Variants in ARHGEF7 observed in about 807,000 individuals in gnomAD.
ARHGEF7 encodes the protein PAK-interacting exchange factor beta.
A neutral mutation model predicts 109.8 loss-of-function variants in ARHGEF7; 33 were observed. The observed-to-expected ratio is 0.30, with a 90% CI of 0.23 to 0.40. ARHGEF7 has a LOEUF of 0.40. Ranked by LOEUF, ARHGEF7 falls within the 10% of genes least tolerant of loss-of-function variation. The pLI, the probability that ARHGEF7 is intolerant of heterozygous loss-of-function variation, is 1.00. For synonymous variants in ARHGEF7, 458 were observed against 424.6 expected (o/e 1.08, Z -0.97); for missense variants, 938 against 1,098.5 (o/e 0.85, Z 2.07).
chr13:111,246,578 A>G (rs2088883826), intron 8 of ARHGEF7, among the ~76,000 whole-genome samples: 1 of 152,346 alleles, frequency 6.6e-6, no homozygotes, highest in African/African-American at 2.4e-5. Flanking sequence ...TGAATATTCT[A>G]TAGAACTTAA....
chr13:111,176,540 C>A (rs1173225354), intron 2 of ARHGEF7, among the ~76,000 whole-genome samples: 1 of 152,142 alleles, frequency 6.6e-6, no homozygotes, highest in Non-Finnish European at 1.5e-5. Flanking sequence ...GTGGGGTGAC[C>A]CACGTAGCCC....
At chr13:111,302,358 G>A (rs1304010352) in intron 21 of ARHGEF7, among the ~76,000 whole-genome samples, 2 of 152,212 alleles carry the variant, frequency 1.3e-5, no homozygotes, top group South Asian at 2.1e-4. Context: ...TCTTTTGGCC[G>A]AGGAACAGCC....
At chr13:111,189,429 AGCTCTTAAAGGTG>A (rs1489661809) in intron 2 of ARHGEF7, among the ~76,000 whole-genome samples, 1 of 152,018 alleles carries the variant, frequency 6.6e-6, no homozygotes, top group African/African-American at 2.4e-5. Flanking sequence ...TGAGTGTTAC[AGCTCTTAAAGGTG>A]GCGCATCCGG....
intron 1 of ARHGEF7, among the ~76,000 whole-genome samples, chr13:111,125,819 T>G (rs1012165950): frequency 3.3e-5 from 5 of 152,234 alleles, no homozygotes; most frequent in Admixed American, 6.5e-5. Context: ...GGAATACAGA[T>G]TTTCTGAAAA....
chr13:111,184,860 A>C (rs2153435034), intron 2 of ARHGEF7: 1 of 152,634 alleles, frequency 6.6e-6, no homozygotes, highest in East Asian at 1.9e-4. Context: ...AGGTGGGGAG[A>C]ACCGGATGGA....
intron 2 of ARHGEF7, among the ~76,000 whole-genome samples, chr13:111,160,783 G>T (rs1022354451): frequency 6.6e-6 from 1 of 152,096 alleles, no homozygotes; most frequent in Non-Finnish European, 1.5e-5. Context: ...TTTTATAAGG[G>T]GCTCCTCCCC....
intron 4 of ARHGEF7, among the ~76,000 whole-genome samples, chr13:111,216,639 C>T (rs899256370): frequency 6.6e-6 from 1 of 152,138 alleles, no homozygotes; most frequent in African/African-American, 2.4e-5. Context: ...CGCTGGTGTT[C>T]CCTAGAGCTC....
chr13:111,285,795 C>T (rs2092994876), intron 16 of ARHGEF7, among the ~76,000 whole-genome samples: 1 of 152,128 alleles, frequency 6.6e-6, no homozygotes, highest in South Asian at 2.1e-4. Context: ...GCAGCTGCCC[C>T]CTCCTCTCCT....
chr13:111,190,757 G>C (rs1304713097), intron 2 of ARHGEF7, among the ~76,000 whole-genome samples: 1 of 152,188 alleles, frequency 6.6e-6, no homozygotes, highest in Non-Finnish European at 1.5e-5. Context: ...GCAGGTGCCT[G>C]TCCAGTTGGT....
At chr13:111,285,308 G>A (rs2092972213) in intron 16 of ARHGEF7, among the ~76,000 whole-genome samples, 1 of 152,134 alleles carries the variant, frequency 6.6e-6, no homozygotes, top group Non-Finnish European at 1.5e-5. Flanking sequence ...TTCCAGCCTG[G>A]TTCATTCCAT....
At chr13:111,220,723 C>T (rs918812940) in intron 5 of ARHGEF7, among the ~76,000 whole-genome samples, 7 of 152,018 alleles carry the variant, frequency 4.6e-5, no homozygotes, top group African/African-American at 1.7e-4. Flanking sequence ...ACCGGCAGGG[C>T]GTGTTTAGAA....
At chr13:111,192,042 G>T (rs1343392384) in intron 2 of ARHGEF7, among the ~76,000 whole-genome samples, 1 of 152,126 alleles carries the variant, frequency 6.6e-6, no homozygotes, top group African/African-American at 2.4e-5. Flanking sequence ...AGGAGGAAGG[G>T]GTTTTTCTTC....
rs183657742 is a variant in ARHGEF7 at position 111,225,131 on chromosome 13, C to T, written c.670+7251C>T. Among the ~76,000 whole-genome samples, 152 of 152,248 alleles carry T rather than the reference C, an allele frequency of 1.0e-3. 1 individual carries two copies. The highest frequency in any genetic ancestry group is 3.3e-3 in the African/African-American group (137 of 41,556). On this transcript the variant is annotated intron_variant, in intron 5 of 21. Transcript: ENST00000646102. ...TCCTCACTGCAATGTGGCTGCCTCC[C>T]GTTGTCGGTGATGATTACACATCTT...
chr13:111,275,918 C>T, intron 12 of ARHGEF7: 1 of 494,416 alleles, frequency 2.0e-6, no homozygotes. Flanking sequence ...GGCCCGAAGC[C>T]CACGTGAACT....
chr13:111,127,382 G>A (rs1309189288), intron 1 of ARHGEF7, among the ~76,000 whole-genome samples: 1 of 152,092 alleles, frequency 6.6e-6, no homozygotes, highest in Non-Finnish European at 1.5e-5. Flanking sequence ...AATTGGGCCA[G>A]GTGCAGTGGC....
At chr13:111,288,503 C>T in intron 18 of ARHGEF7, 60 bp downstream of exon 18, 1 of 1,384,208 alleles carries the variant, frequency 7.2e-7, no homozygotes. Context: ...TTTCAAATTA[C>T]AGTCTGAAGG....
intron 6 of ARHGEF7, among the ~76,000 whole-genome samples, chr13:111,237,736 C>T (rs2087028324): frequency 6.6e-6 from 1 of 152,112 alleles, no homozygotes; most frequent in Non-Finnish European, 1.5e-5. Flanking sequence ...TTTAAAAATA[C>T]AAAAAACATA....
In ARHGEF7 at chr13:111,145,966, G is replaced by A. The variant is rs2075568969; in HGVS notation, c.166-7939G>A. Among the ~76,000 whole-genome samples the A allele has an allele frequency of 1.3e-5, 2 of 152,178 alleles. No homozygotes were observed. Among genetic ancestry groups the A allele is most frequent in the African/African-American group, 4.8e-5 (2 of 41,442 alleles). On this transcript the variant is annotated intron_variant, in intron 1 of 21. Coordinates refer to ENST00000646102, the MANE Select transcript of ARHGEF7 (RefSeq NM_001354046.2). The surrounding 1 kb of genome is among the most constrained non-coding windows in gnomAD (Gnocchi z 4.3). ...TGGATTTGGTGACCTAAGTGAGTTA[G>A]GTCATTTAGTGCACAGTTGCTGACT...
chr13:111,145,848 C>T lies in ARHGEF7; in HGVS notation c.166-8057C>T, dbSNP rs1179920512. ...CCTGACATTTCAGCTGTCTGAGTCC[C>T]TGTTTTCTCATCTGTAAAATACCAG... On this transcript the variant is annotated intron_variant, in intron 1 of 21. Coordinates refer to ENST00000646102, the MANE Select transcript of ARHGEF7 (RefSeq NM_001354046.2). The surrounding 1 kb of genome is among the most constrained non-coding windows in gnomAD (Gnocchi z 4.3). Among the ~76,000 whole-genome samples, 1 of 152,226 alleles carries T rather than the reference C, an allele frequency of 6.6e-6. No homozygotes were observed. Among genetic ancestry groups the T allele is most frequent in the African/African-American group, 2.4e-5 (1 of 41,458 alleles).
Sources: allele counts gnomAD v4.1 joint callset (sites outside exome capture counted in the v4.1 genomes callset), GRCh38; gene constraint gnomAD v4.1.1; non-coding constraint Gnocchi (gnomAD v3.1); transcripts MANE v1.5; gene names NCBI Gene and HGNC (gene_info 2026-07-23, HGNC 2026-07-21).